Variants in KCNH7 observed in about 807,000 individuals in gnomAD.
The protein encoded by KCNH7 is voltage-gated inwardly rectifying potassium channel KCNH7.
A neutral mutation model predicts 120.8 loss-of-function variants in KCNH7; 49 were observed. That is an observed-to-expected ratio of 0.41 (90% CI 0.32 to 0.51). The LOEUF is 0.51. Ranked by LOEUF, KCNH7 falls within the 20% of genes least tolerant of loss-of-function variation. The probability of loss-of-function intolerance (pLI) is 0.38; values close to 1 mark genes in which losing one functional copy is unlikely to be tolerated. For missense variants in KCNH7, 1,097 were observed against 1,446.6 expected, an observed-to-expected ratio of 0.76 and a Z score of 3.92; for synonymous variants, 547 against 516.1, an observed-to-expected ratio of 1.06 and a Z score of -0.81.
chr2:162,556,697 C>A (rs1031469385), intron 2 of KCNH7, among the ~76,000 whole-genome samples: 9 of 152,092 alleles, frequency 5.9e-5, no homozygotes, highest in Admixed American at 4.6e-4. Flanking sequence ...TCTCAAAATC[C>A]TCACACAAAT....
At chr2:162,514,304 T>C (rs1691210206) in intron 4 of KCNH7, among the ~76,000 whole-genome samples, 1 of 151,848 alleles carries the variant, frequency 6.6e-6, no homozygotes, top group Non-Finnish European at 1.5e-5. Flanking sequence ...GAAGAGATCT[T>C]GATTACTCAG....
chr2:162,820,913 T>A (rs958674211), intron 2 of KCNH7, among the ~76,000 whole-genome samples: 1 of 108,358 alleles, frequency 9.2e-6, no homozygotes, highest in Non-Finnish European at 2.3e-5. Flanking sequence ...TCTGAATTAA[T>A]TCATTATTTT....
At chr2:162,382,030 G>A (rs1356449695) in intron 13 of KCNH7, among the ~76,000 whole-genome samples, 2 of 152,006 alleles carry the variant, frequency 1.3e-5, no homozygotes, top group African/African-American at 2.4e-5. Context: ...TTTCGAGAAG[G>A]CAAGAACTGA....
At chr2:162,487,155 C>T (rs543735864) in intron 6 of KCNH7, among the ~76,000 whole-genome samples, 70 of 152,164 alleles carry the variant, frequency 4.6e-4, no homozygotes, top group Middle Eastern at 6.8e-3. Context: ...CGTGTTAATA[C>T]GAATTCATAT....
intron 2 of KCNH7, among the ~76,000 whole-genome samples, chr2:162,778,946 C>CTTTTTTTT (rs200107249): frequency 3.7e-5 from 5 of 136,492 alleles, no homozygotes; most frequent in African/African-American, 5.4e-5. Context: ...GGAACAAATT[C>CTTTTTTTT]TTTTTTTTTT....
In KCNH7 at chr2:162,400,238, G is replaced by A. The variant is rs762884891; in HGVS notation, c.2358C>T (p.Ser786=). The A allele has an allele frequency of 6.2e-7, 1 of 1,612,060 alleles. No homozygotes were observed. Among genetic ancestry groups the A allele is most frequent in the Non-Finnish European group, 8.5e-7 (1 of 1,178,836 alleles). The change falls in exon 10 of 16, where the codon TCC becomes TCT. Residue 786 remains serine (S), a synonymous_variant. Coordinates refer to ENST00000332142, the MANE Select transcript of KCNH7 (RefSeq NM_033272.4). Reference sequence around the variant, plus strand: ...CTTTGAGAATTTCAATGGAGCCTCTGGATAAGAAATAAAGTGCAGTGAGGA... The same window carrying A: ...CTTTGAGAATTTCAATGGAGCCTCTAGATAAGAAATAAAGTGCAGTGAGGA... The part of the protein sequence containing the change: ...GDVLTALYFL[S]RGSIEILKDD...
intron 2 of KCNH7, among the ~76,000 whole-genome samples, chr2:162,760,917 C>CAAT (rs1688945891): frequency 6.6e-6 from 1 of 152,058 alleles, no homozygotes; most frequent in Non-Finnish European, 1.5e-5. Context: ...CACTTATGAA[C>CAAT]AATACATTAT....
intron 3 of KCNH7, among the ~76,000 whole-genome samples, chr2:162,532,487 T>C (rs1334650318): frequency 1.3e-5 from 2 of 151,902 alleles, no homozygotes; most frequent in Non-Finnish European, 2.9e-5. Flanking sequence ...CAACAGTTGA[T>C]GTAAGAAAAG....
intron 2 of KCNH7, among the ~76,000 whole-genome samples, chr2:162,671,496 G>A (rs990098974): frequency 6.6e-6 from 1 of 151,678 alleles, no homozygotes; most frequent in Non-Finnish European, 1.5e-5. Context: ...ATTTGTGAGA[G>A]GTAACCAATG....
At chr2:162,662,188 A>C (rs1684986140) in intron 2 of KCNH7, among the ~76,000 whole-genome samples, 1 of 152,198 alleles carries the variant, frequency 6.6e-6, no homozygotes, top group African/African-American at 2.4e-5. Context: ...GCTTGAACCC[A>C]GGAGGTGGAG....
intron 3 of KCNH7, among the ~76,000 whole-genome samples, chr2:162,531,361 C>A (rs1371714159): frequency 6.6e-6 from 1 of 151,812 alleles, no homozygotes; most frequent in Non-Finnish European, 1.5e-5. Context: ...GCTGATATAC[C>A]CTCCCTTTTT....
rs568573601 is a variant in KCNH7 at position 162,495,690 on chromosome 2, T to A, written c.1128+8753A>T. 3.3e-5 allele frequency among the ~76,000 whole-genome samples: 5 copies of A among 152,332 alleles called. No homozygotes were observed. The East Asian group carries it at 9.7e-4, about 29-fold the overall frequency. Reference sequence around the variant, plus strand: ...TCCATTCTAATCTCATCAGTTGTTTTCAAGCTTTTGCCAACATTTTAGACT... The same window carrying A: ...TCCATTCTAATCTCATCAGTTGTTTACAAGCTTTTGCCAACATTTTAGACT... On this transcript the variant is annotated intron_variant, in intron 6 of 15. Transcript: ENST00000332142.
rs1375631108 is a variant in KCNH7, at chr2:162,371,691, T to G, written c.*138A>C. The G allele has an allele frequency of 2.0e-5, 18 of 910,460 alleles. No homozygotes were observed. Among genetic ancestry groups the G allele is most frequent in the Non-Finnish European group, 1.3e-5 (8 of 628,906 alleles). The allele number at this position is 910,460 out of a possible 1,614,324, so 56.4% of individuals were successfully genotyped here. ...CTCAGTTTTACCTTACAAGCTTCAA[T>G]TTAGGAAAATATACAGTACTTTTGC... On this transcript the variant is annotated 3_prime_UTR_variant, in exon 16 of 16. Transcript: ENST00000332142.
intron 7 of KCNH7, among the ~76,000 whole-genome samples, chr2:162,445,184 G>A (rs76684000): frequency 0.036 from 5,419 of 152,234 alleles, 149 homozygotes; most frequent in Non-Finnish European, 0.057. Context: ...CATCTGCCAA[G>A]AGGAGGTGGT....
At chr2:162,758,668 G>C (rs554105335) in intron 2 of KCNH7, among the ~76,000 whole-genome samples, 2 of 151,642 alleles carry the variant, frequency 1.3e-5, no homozygotes, top group Admixed American at 1.3e-4. Flanking sequence ...GCATATAATC[G>C]AGCAAATCTG....
chr2:162,734,840 T>A (rs1224517859), intron 2 of KCNH7, among the ~76,000 whole-genome samples: 1 of 152,142 alleles, frequency 6.6e-6, no homozygotes, highest in Non-Finnish European at 1.5e-5. Flanking sequence ...CCAATCCTTT[T>A]AACATATGAA....
intron 2 of KCNH7, among the ~76,000 whole-genome samples, chr2:162,617,003 G>C (rs1384313843): frequency 6.6e-6 from 1 of 150,544 alleles, no homozygotes; most frequent in Non-Finnish European, 1.5e-5. Context: ...AGTGTAGATG[G>C]CTCAGAGTCT....
At chr2:162,386,059 G>T (rs1244811321) in intron 12 of KCNH7, among the ~76,000 whole-genome samples, 1 of 151,820 alleles carries the variant, frequency 6.6e-6, no homozygotes, top group Non-Finnish European at 1.5e-5. Context: ...GTTGAATCTA[G>T]CAAATGCAGA....
chr2:162,834,447 C>T (rs1031431227), intron 2 of KCNH7, among the ~76,000 whole-genome samples: 2 of 151,878 alleles, frequency 1.3e-5, no homozygotes, highest in African/African-American at 4.8e-5. Flanking sequence ...TATTCAAATC[C>T]TTGAAGACTG....
Sources: gnomAD v4.1 joint callset for allele counts (sites outside exome capture counted in the v4.1 genomes callset) on GRCh38, gnomAD v4.1.1 for gene constraint, MANE v1.5 for transcripts, NCBI Gene and HGNC (gene_info 2026-07-23, HGNC 2026-07-21) for gene names.